The following UBE2G1 variants were observed in gnomAD, a reference collection of about 807,000 sequenced individuals.
The protein encoded by UBE2G1 is ubiquitin conjugating enzyme E2 G1, also known as ubiquitin-conjugating enzyme E2 G1.
A neutral mutation model predicts 22.7 loss-of-function variants in UBE2G1; 5 were observed. The ratio of observed to expected loss-of-function variants is 0.22; its 90% CI spans 0.12 to 0.46. The LOEUF is 0.46. Among genes scored for constraint, UBE2G1 ranks in the 20% least tolerant of loss-of-function variants. The pLI is 0.99. For missense variants in UBE2G1, 88 were observed against 203.9 expected (o/e 0.43, Z 3.46); for synonymous variants, 74 against 67.5 (o/e 1.10, Z -0.47).
At chr17:4,310,475 T>C (rs1198648557) in intron 1 of UBE2G1, among the ~76,000 whole-genome samples, 1 of 152,056 alleles carries the variant, frequency 6.6e-6, no homozygotes, top group Non-Finnish European at 1.5e-5. Context: ...GAACCCTACT[T>C]TAGGTAGAGG....
chr17:4,342,200 CCT>C (rs1969719928), intron 1 of UBE2G1, among the ~76,000 whole-genome samples: 1 of 152,008 alleles, frequency 6.6e-6, no homozygotes, highest in Admixed American at 6.5e-5. Context: ...AAACCAAGCC[CCT>C]GATTATCTCT....
chr17:4,318,927 T>C (rs948823157), intron 1 of UBE2G1, among the ~76,000 whole-genome samples: 1 of 151,820 alleles, frequency 6.6e-6, no homozygotes, highest in African/African-American at 2.4e-5. Context: ...CTCAAAGAAA[T>C]TACAGAAACA....
intron 1 of UBE2G1, among the ~76,000 whole-genome samples, chr17:4,311,328 C>A (rs967843545): frequency 3.9e-5 from 6 of 152,112 alleles, no homozygotes; most frequent in African/African-American, 1.2e-4. Flanking sequence ...TAGGTATATA[C>A]CCTAACATCT....
At chr17:4,313,233 C>T (rs1382590870) in intron 1 of UBE2G1, among the ~76,000 whole-genome samples, 2 of 152,150 alleles carry the variant, frequency 1.3e-5, no homozygotes, top group African/African-American at 2.4e-5. Context: ...GGACACAAAA[C>T]TCAACAGTCA....
At chr17:4,332,413 G>A (rs1969589885) in intron 1 of UBE2G1, among the ~76,000 whole-genome samples, 1 of 152,212 alleles carries the variant, frequency 6.6e-6, no homozygotes, top group South Asian at 2.1e-4. Context: ...CATGTGCTGG[G>A]GTACTATGGA....
chr17:4,317,374 G>A (rs1448401367), intron 1 of UBE2G1, among the ~76,000 whole-genome samples: 4 of 151,982 alleles, frequency 2.6e-5, no homozygotes, highest in Non-Finnish European at 5.9e-5. Flanking sequence ...AAAATTAGCC[G>A]GACATGGTGG....
At chr17:4,302,410 T>G (rs536558563) in intron 2 of UBE2G1, 7 of 507,496 alleles carry the variant, frequency 1.4e-5, no homozygotes, top group Non-Finnish European at 2.4e-5. Flanking sequence ...ATCGCTTGCC[T>G]GTGCATTTTG....
intron 1 of UBE2G1, among the ~76,000 whole-genome samples, chr17:4,312,226 C>A (rs1479227114): frequency 6.6e-6 from 1 of 150,628 alleles, no homozygotes; most frequent in Admixed American, 6.6e-5. Flanking sequence ...GAGTGAAACT[C>A]CGACTCAAAA....
intron 1 of UBE2G1, among the ~76,000 whole-genome samples, chr17:4,336,994 T>G (rs1384661933): frequency 6.6e-6 from 1 of 152,076 alleles, no homozygotes; most frequent in Admixed American, 6.6e-5. Context: ...AATCTGACAA[T>G]GAAACAATTA....
chr17:4,320,108 T>C (rs1427160859), intron 1 of UBE2G1, among the ~76,000 whole-genome samples: 1 of 152,130 alleles, frequency 6.6e-6, no homozygotes, highest in African/African-American at 2.4e-5. Flanking sequence ...GGATTTTACA[T>C]TGTTATTTTC....
intron 5 of UBE2G1, among the ~76,000 whole-genome samples, chr17:4,273,196 GC>G (rs1968780639): frequency 6.6e-6 from 1 of 152,166 alleles, no homozygotes; most frequent in Admixed American, 6.5e-5. Flanking sequence ...GATGTGCCAA[GC>G]AGCATGCTAA....
intron 1 of UBE2G1, among the ~76,000 whole-genome samples, chr17:4,352,251 A>AG (rs138773306): frequency 0.045 from 6,835 of 152,124 alleles, 565 homozygotes; most frequent in African/African-American, 0.16. Context: ...TTTTTCTAAG[A>AG]GGGGGTCTTG....
At chr17:4,283,036 TTA>T in intron 4 of UBE2G1, 115 bp from the exon 5 acceptor site, 4 of 868,094 alleles carry the variant, frequency 4.6e-6, no homozygotes, top group East Asian at 2.7e-5. Flanking sequence ...TTCAGAAACA[TTA>T]TAGAGTTGAA....
At chr17:4,351,356 G>A (rs1388094821) in intron 1 of UBE2G1, among the ~76,000 whole-genome samples, 1 of 152,190 alleles carries the variant, frequency 6.6e-6, no homozygotes. Flanking sequence ...ATATGGCTTA[G>A]AGGCTGAAGA....
rs569609552 is a variant in UBE2G1 at position 4,327,305 on chromosome 17, T to A, written c.47-20182A>T. 1.5e-3 allele frequency among the ~76,000 whole-genome samples: 225 copies of A among 146,268 alleles called. 6 individuals carry two copies. The East Asian group carries it at 0.035, about 23-fold the overall frequency. ...GAGCAAGACTCTGTCTCAAAAAAAATACAAAAATACAAAAATAGCCGTAGT... is the reference window on the plus strand; with the variant it reads ...GAGCAAGACTCTGTCTCAAAAAAAAAACAAAAATACAAAAATAGCCGTAGT... On this transcript the variant is annotated intron_variant, in intron 1 of 5. Transcript: ENST00000396981.
intron 1 of UBE2G1, among the ~76,000 whole-genome samples, chr17:4,365,557 C>T (rs1343164580): frequency 1.3e-5 from 2 of 152,078 alleles, no homozygotes; most frequent in Non-Finnish European, 2.9e-5. Flanking sequence ...GGAATCGCGG[C>T]GAGCACAAAG....
chr17:4,349,595 G>C (rs1188967522), intron 1 of UBE2G1, among the ~76,000 whole-genome samples: 1 of 152,058 alleles, frequency 6.6e-6, no homozygotes, highest in Non-Finnish European at 1.5e-5. Flanking sequence ...TGTAATCCCA[G>C]CAGCTTGGGA....
chr17:4,350,220 G>A (rs1480083704), intron 1 of UBE2G1, among the ~76,000 whole-genome samples: 1 of 152,150 alleles, frequency 6.6e-6, no homozygotes, highest in Non-Finnish European at 1.5e-5. Context: ...CAGCACTTTG[G>A]GAGGCTGAGA....
At chr17:4,274,608 C>A (rs1009052936) in intron 5 of UBE2G1, among the ~76,000 whole-genome samples, 14 of 152,218 alleles carry the variant, frequency 9.2e-5, no homozygotes, top group African/African-American at 3.4e-4. Context: ...GGTAGAACGA[C>A]TGCTATATGT....
Sources: gnomAD v4.1 joint callset for allele counts (sites outside exome capture counted in the v4.1 genomes callset) on GRCh38, gnomAD v4.1.1 for gene constraint, MANE v1.5 for transcripts, NCBI Gene and HGNC (gene_info 2026-07-23, HGNC 2026-07-21) for gene names.